GAK: variants seen among roughly 807,000 people sequenced by gnomAD.
The protein encoded by GAK is cyclin G associated kinase, also known as cyclin-G-associated kinase.
GAK carries 79 observed loss-of-function variants against 143.9 expected under a neutral mutation model. The observed-to-expected ratio is 0.55, with a 90% CI of 0.46 to 0.66. The LOEUF (loss-of-function observed/expected upper bound fraction) is 0.66. GAK is among the 30% of genes least tolerant of loss of function. GAK has a pLI of 0.00. For synonymous variants in GAK, 881 were observed against 765.5 expected, an observed-to-expected ratio of 1.15 and a Z score of -2.49; for missense variants, 1,693 against 1,779.7, an observed-to-expected ratio of 0.95 and a Z score of 0.88.
chr4:858,130 C>T (rs999231500), intron 24 of GAK, among the ~76,000 whole-genome samples: 29 of 152,234 alleles, frequency 1.9e-4, no homozygotes, highest in Non-Finnish European at 2.9e-4. Context: ...GAGGCTCCCA[C>T]GGTGCATGGA....
In GAK at chr4:867,410, A is replaced by G; in HGVS notation, c.2418T>C (p.Gly806=). ...DWQEEKEAET[G]AENASSKESE... is the part of the protein sequence containing the mutation. The stretch of plus-strand genomic sequence containing the variant: ...TCTCCTTGGAAGAGGCATTTTCTGC[A>G]CCAGTCTCTGCCTCCTTCTCTTCTG... Residue 806 remains glycine (G), a synonymous_variant, in exon 21 of 28, where the codon GGT becomes GGC. Transcript: ENST00000314167. The G allele has an allele frequency of 6.5e-7, 1 of 1,536,108 alleles. No homozygotes were observed. Among genetic ancestry groups the G allele is most frequent in the African/African-American group, 1.4e-5 (1 of 72,900 alleles).
chr4:851,130 C>A, intron 25 of GAK, 46 bp from the exon 26 acceptor site: 1 of 1,554,658 alleles, frequency 6.4e-7, no homozygotes, highest in Non-Finnish European at 8.8e-7. Flanking sequence ...AGGGTCTCCA[C>A]TCTGTCACCC....
intron 18 of GAK, among the ~76,000 whole-genome samples, chr4:875,474 AG>A (rs1713655693): frequency 6.6e-6 from 1 of 152,196 alleles, no homozygotes; most frequent in Non-Finnish European, 1.5e-5. Context: ...ACCCCTCCCA[AG>A]GTGCAGAGTC....
chr4:881,004 A>G (rs1013851309), intron 15 of GAK, among the ~76,000 whole-genome samples: 1 of 152,108 alleles, frequency 6.6e-6, no homozygotes, highest in East Asian at 1.9e-4. Context: ...GGTCACACAG[A>G]AGACAAAGCT....
chr4:851,104 T>C lies in GAK; in HGVS notation c.3509-20A>G, dbSNP rs768543011. The C allele has an allele frequency of 6.8e-6, 11 of 1,609,400 alleles. No homozygotes were observed. In the South Asian group the frequency reaches 1.2e-4, roughly 18 times the overall value. ...TTTGAGCTAGAAAAGAACAGAAACTTTTTTTTGTTTGAGACAGGGTCTCCA... is the reference window on the plus strand; with the variant it reads ...TTTGAGCTAGAAAAGAACAGAAACTCTTTTTTGTTTGAGACAGGGTCTCCA... On this transcript the variant is annotated intron_variant, in intron 25 of 27. Coordinates refer to ENST00000314167, the MANE Select transcript of GAK (RefSeq NM_005255.4).
rs1747693425 is a variant in GAK, at chr4:849,611, C to T, written c.*62G>A. The T allele has an allele frequency of 1.5e-6, 2 of 1,374,712 alleles. No individual in the cohort carries two copies. The highest frequency in any genetic ancestry group is 1.8e-4 in the Middle Eastern group (1 of 5,464). The allele number at this position is 1,374,712 out of a possible 1,614,324, so 85.2% of individuals were successfully genotyped here. On this transcript the variant is annotated 3_prime_UTR_variant, in exon 28 of 28. Transcript: ENST00000314167. ...GCCCACGGGGTCCTCACGGTGGGGA[C>T]CCAGGTCCCACGACGGCTCCCAACC...
At chr4:892,557 C>T (rs3775126) in intron 9 of GAK, among the ~76,000 whole-genome samples, 15,647 of 152,290 alleles carry the variant, frequency 0.1, 940 homozygotes, top group South Asian at 0.19. Context: ...ACAAAGCACA[C>T]GGCCCTGTGG....
chr4:873,797 C>T (rs1641805753), intron 18 of GAK, among the ~76,000 whole-genome samples: 1 of 152,162 alleles, frequency 6.6e-6, no homozygotes, highest in Admixed American at 6.5e-5. Context: ...TGAAGTATGG[C>T]TCCTGTAAGC....
In GAK at chr4:904,853, C is replaced by T. The variant is rs749007358; in HGVS notation, c.383-74G>A. Reference sequence around the variant, plus strand: ...ACAGGGAACCTAGGGCTGTTTCACGCGGACTTCCCAGAACTAAATGGAAAG... The same window carrying T: ...ACAGGGAACCTAGGGCTGTTTCACGTGGACTTCCCAGAACTAAATGGAAAG... On this transcript the variant is annotated intron_variant, in intron 4 of 27. Transcript: ENST00000314167. 3.3e-5 allele frequency: 48 copies of T among 1,473,904 alleles called. No homozygotes were observed. In the East Asian group the frequency reaches 3.5e-4, roughly 11 times the overall value. The allele number at this position is 1,473,904 out of a possible 1,614,324, so 91.3% of individuals were successfully genotyped here. A position where few individuals can be genotyped will look rare whatever the true frequency, so the allele number is the denominator to read the frequency against.
At chr4:908,795 C>T (rs58431811) in intron 4 of GAK, among the ~76,000 whole-genome samples, 4 of 152,242 alleles carry the variant, frequency 2.6e-5, no homozygotes, top group East Asian at 1.9e-4. Flanking sequence ...AAAAAAAATA[C>T]GCCTGATACG....
rs758850798 is a variant in GAK, at chr4:849,788, G to T, written c.3835-14C>A. 4 of 1,607,504 alleles carry T rather than the reference G, an allele frequency of 2.5e-6. No individual in the cohort carries two copies. In the South Asian group the frequency reaches 4.4e-5, roughly 18 times the overall value. ...CTGCCCCGCAGCCTATGGGTGACAG[G>T]CGGTGTAAGCGCCTCTTATAAGCAT... On this transcript the variant is annotated splice_polypyrimidine_tract_variant and intron_variant, in intron 27 of 27. Transcript: ENST00000314167.
At chr4:876,163 T>G (rs1343526476) in intron 18 of GAK, among the ~76,000 whole-genome samples, 3 of 152,106 alleles carry the variant, frequency 2.0e-5, no homozygotes, top group African/African-American at 7.2e-5. Flanking sequence ...AGTGTGAGCT[T>G]CCAGACAGGA....
chr4:865,442 G>A (rs182384274), intron 22 of GAK, among the ~76,000 whole-genome samples, 198 bp from the exon 23 acceptor site: 276 of 152,184 alleles, frequency 1.8e-3, no homozygotes, highest in African/African-American at 6.5e-3. Flanking sequence ...GCGAGTGGAC[G>A]TAGGGGCACC....
chr4:868,301 G>A (rs1711512799), intron 20 of GAK, among the ~76,000 whole-genome samples: 1 of 152,178 alleles, frequency 6.6e-6, no homozygotes, highest in African/African-American at 2.4e-5. Flanking sequence ...AAGAGCGAGG[G>A]TTGTTATTTC....
Position 849,402 on chromosome 4 carries a change from C to A in GAK, c.*271G>T. ...ACGTGCCGGGGCTCCAGAGGCCACG[C>A]CCGAAACACCAAATAAATCACAGAC... On this transcript the variant is annotated 3_prime_UTR_variant, in exon 28 of 28. Coordinates refer to ENST00000314167, the MANE Select transcript of GAK (RefSeq NM_005255.4). 1.9e-6 allele frequency: 1 copy of A among 513,554 alleles called. No homozygotes were observed. Among genetic ancestry groups the A allele is most frequent in the East Asian group, 3.3e-5 (1 of 30,748 alleles). 31.8% of individuals were successfully genotyped at this position (513,554 alleles called of 1,614,324 possible).
intron 4 of GAK, among the ~76,000 whole-genome samples, chr4:907,831 C>A (rs933063397): frequency 6.6e-6 from 1 of 152,226 alleles, no homozygotes. Flanking sequence ...AGCTCTCAGC[C>A]GCACATGCTG....
intron 4 of GAK, among the ~76,000 whole-genome samples, chr4:906,756 G>A (rs1055894540): frequency 1.3e-5 from 2 of 152,036 alleles, no homozygotes; most frequent in Non-Finnish European, 2.9e-5. Context: ...CACGACCCCT[G>A]CAGCCCCAGA....
At chr4:915,683 C>T (rs1722996773) in intron 1 of GAK, 1 of 152,172 alleles carries the variant, frequency 6.6e-6, no homozygotes, top group Admixed American at 6.5e-5. Context: ...AAATTTAAAA[C>T]TCTCAGCAAA....
chr4:931,391 A>C (rs1725733494), intron 1 of GAK, among the ~76,000 whole-genome samples: 1 of 152,090 alleles, frequency 6.6e-6, no homozygotes, highest in South Asian at 2.1e-4. Flanking sequence ...GGGGATCACG[A>C]GACACAGCCC....
Sources: gnomAD v4.1 joint callset for allele counts (sites outside exome capture counted in the v4.1 genomes callset) on GRCh38, gnomAD v4.1.1 for gene constraint, MANE v1.5 for transcripts, NCBI Gene and HGNC (gene_info 2026-07-23, HGNC 2026-07-21) for gene names.